Variants in AR observed in about 807,000 individuals in gnomAD.
AR encodes the protein dihydrotestosterone receptor.
AR carries 8 observed loss-of-function variants against 53.9 expected under a neutral mutation model. The observed-to-expected ratio is 0.15, with a 90% confidence interval of 0.09 to 0.27. The LOEUF (loss-of-function observed/expected upper bound fraction) is 0.27. Ranked by LOEUF, AR falls within the 10% of genes least tolerant of loss-of-function variation. The pLI, the probability that AR is intolerant of heterozygous loss-of-function variation, is 1.00. For missense variants in AR, 639 were observed against 742.5 expected, an observed-to-expected ratio of 0.86 and a Z score of 1.62; for synonymous variants, 359 against 316.4, an observed-to-expected ratio of 1.13 and a Z score of -1.43.
At chrX:67,695,705 G>C in intron 3 of AR, 1 of 749,822 alleles carries the variant, frequency 1.3e-6, no homozygotes, top group Non-Finnish European at 1.6e-6. Context: ...ACTTGCCTGG[G>C]GCCTGTCTTT....
intron 2 of AR, among the ~76,000 whole-genome samples, chrX:67,659,009 C>T (rs1926727590): frequency 9.0e-6 from 1 of 111,010 alleles, no homozygotes; most frequent in Non-Finnish European, 1.9e-5. Context: ...GGGATTGTGG[C>T]TTCCAGATGA....
rs2147497900 is a variant in AR, at chrX:67,686,109, C to G, written c.1868C>G (p.Ala623Gly). ...PSCRLRKCYE[A>G]GMTLGARKLK... The stretch of plus-strand genomic sequence containing the variant: ...TGTCGTCTTCGGAAATGTTATGAAG[C>G]AGGGATGACTCTGGGAGGTAAGATA... The change falls in exon 3 of 8, where the codon GCA (alanine) becomes GGA (glycine). Residue 623 changes from alanine to glycine, a missense_variant. By Grantham distance (60) the Ala-to-Gly change is moderately conservative (BLOSUM62 0). This residue lies in a region of AR where 47 missense variants were observed against 35.9 expected (regional missense o/e 1.31). Transcript: ENST00000374690. 8.3e-7 allele frequency: 1 copy of G among 1,209,533 alleles called. No individual in the cohort carries two copies. Among genetic ancestry groups the G allele is most frequent in the Non-Finnish European group, 1.1e-6 (1 of 893,786 alleles).
At chrX:67,648,507 C>G (rs1476137116) in intron 2 of AR, among the ~76,000 whole-genome samples, 2 of 111,491 alleles carry the variant, frequency 1.8e-5, no homozygotes, top group Non-Finnish European at 1.9e-5. Context: ...CATATATTAC[C>G]TCATGATTCT....
chrX:67,592,826 G>A (rs1922900240), intron 1 of AR, among the ~76,000 whole-genome samples: 1 of 110,779 alleles, frequency 9.0e-6, no homozygotes, highest in Non-Finnish European at 1.9e-5. Flanking sequence ...GACTTACTGA[G>A]TAATTGCTGG....
intron 1 of AR, among the ~76,000 whole-genome samples, chrX:67,628,474 G>A (rs1416435904): frequency 3.7e-5 from 4 of 107,779 alleles, no homozygotes; most frequent in Non-Finnish European, 5.8e-5. Context: ...TGTGATTTTT[G>A]TACATTGATT....
intron 3 of AR, among the ~76,000 whole-genome samples, chrX:67,701,063 A>G (rs1332322743): frequency 8.9e-6 from 1 of 111,959 alleles, no homozygotes; most frequent in Non-Finnish European, 1.9e-5. Flanking sequence ...ACTTTCTGAG[A>G]TGATGAAAAT....
At chrX:67,630,765 C>T (rs1370111035) in intron 1 of AR, among the ~76,000 whole-genome samples, 6 of 110,816 alleles carry the variant, frequency 5.4e-5, no homozygotes, top group Non-Finnish European at 1.1e-4. Context: ...CATGATTTTG[C>T]AGCGGCTGGT....
chrX:67,703,051 T>A (rs1188681235), intron 3 of AR, among the ~76,000 whole-genome samples: 1 of 111,275 alleles, frequency 9.0e-6, no homozygotes, highest in East Asian at 2.8e-4. Context: ...GCTCTCCAGC[T>A]GGGTGACAGA....
rs753455700 is a variant in AR at position 67,711,568 on chromosome X, T to C, written c.2052T>C (p.Gly684=). The C allele has an allele frequency of 3.1e-5, 38 of 1,210,026 alleles. No individual in the cohort carries two copies. The highest frequency in any genetic ancestry group is 3.6e-5 in the Non-Finnish European group (32 of 895,303). The change falls in exon 4 of 8, where the codon GGT becomes GGC. Residue 684 remains glycine, a synonymous_variant. Coordinates refer to ENST00000374690, the MANE Select transcript of AR (RefSeq NM_000044.6). ...ATGTCCTGGAAGCCATTGAGCCAGG[T>C]GTAGTGTGTGCTGGACACGACAACA... ...FLNVLEAIEP[G]VVCAGHDNNQ...
intron 3 of AR, among the ~76,000 whole-genome samples, chrX:67,698,164 G>A (rs1316708719): frequency 1.8e-5 from 2 of 112,102 alleles, no homozygotes; most frequent in African/African-American, 6.5e-5. Flanking sequence ...ACATATGTAA[G>A]GAAACTAAAA....
chrX:67,586,863 A>G (rs1922570522), intron 1 of AR, among the ~76,000 whole-genome samples: 1 of 111,736 alleles, frequency 8.9e-6, no homozygotes, highest in African/African-American at 3.3e-5. Context: ...CTAGGATAAG[A>G]AATGACACTT....
chrX:67,546,834 C>T (rs2147323706), intron 1 of AR, 72 bp downstream of exon 1: 2 of 1,085,006 alleles, frequency 1.8e-6, no homozygotes, highest in East Asian at 3.3e-5. Flanking sequence ...GGGTATCTAG[C>T]GGCTCCTACC....
chrX:67,643,434 C>T (rs755500117), intron 2 of AR, 27 bp downstream of exon 2: 105 of 1,192,860 alleles, frequency 8.8e-5, no homozygotes, highest in Non-Finnish European at 1.2e-4. Context: ...ATGCACTTCT[C>T]TTTCCCTTTC....
At chrX:67,707,965 T>C (rs2076076153) in intron 3 of AR, among the ~76,000 whole-genome samples, 2 of 112,287 alleles carry the variant, frequency 1.8e-5, no homozygotes, top group Admixed American at 1.9e-4. Flanking sequence ...ATGATGAATA[T>C]TGGCCCCCAC....
intron 3 of AR, among the ~76,000 whole-genome samples, chrX:67,704,485 A>G (rs1333860170): frequency 1.8e-5 from 2 of 110,893 alleles, no homozygotes; most frequent in African/African-American, 6.6e-5. Flanking sequence ...CCACTTTTTG[A>G]TGGGGTTGTT....
chrX:67,704,331 C>G (rs1322665434), intron 3 of AR, among the ~76,000 whole-genome samples: 1 of 111,869 alleles, frequency 8.9e-6, no homozygotes, highest in Non-Finnish European at 1.9e-5. Flanking sequence ...TTTTAATGAT[C>G]GCCATTCTAA....
chrX:67,723,593 G>A (rs1029995781), intron 7 of AR, 93 bp from the exon 8 acceptor site: 5 of 1,043,321 alleles, frequency 4.8e-6, no homozygotes, highest in Non-Finnish European at 6.6e-6. Context: ...GAAACAAAAG[G>A]CTGAAAGACC....
chrX:67,606,574 G>A (rs1044561364), intron 1 of AR, among the ~76,000 whole-genome samples: 3 of 112,119 alleles, frequency 2.7e-5, no homozygotes, highest in Middle Eastern at 4.2e-3. Flanking sequence ...ACCCTTTGAA[G>A]ATATTGAACT....
chrX:67,565,496 T>C (rs745577680), intron 1 of AR, among the ~76,000 whole-genome samples: 1 of 111,994 alleles, frequency 8.9e-6, no homozygotes, highest in Non-Finnish European at 1.9e-5. Context: ...GACTAAGTTA[T>C]TACAATTCCT....
Sources: allele counts gnomAD v4.1 joint callset (sites outside exome capture counted in the v4.1 genomes callset), GRCh38; gene constraint gnomAD v4.1.1; regional missense constraint gnomAD v4.1.1; transcripts MANE v1.5; gene names NCBI Gene and HGNC (gene_info 2026-07-23, HGNC 2026-07-21).